LRRC74A: variants seen among roughly 807,000 people sequenced by gnomAD.
The protein encoded by LRRC74A is leucine rich repeat containing 74A.
LRRC74A carries 44 observed loss-of-function variants against 57.9 expected under a neutral mutation model. That is an observed-to-expected ratio of 0.76 (90% CI 0.60 to 0.98). The LOEUF (loss-of-function observed/expected upper bound fraction) is 0.98, where lower values mean the gene tolerates loss of function less well. LRRC74A is among the 50% of genes least tolerant of loss of function. The pLI, the probability that LRRC74A is intolerant of heterozygous loss-of-function variation, is 0.00. For missense variants in LRRC74A, 572 were observed against 574.0 expected, an observed-to-expected ratio of 1.00 and a Z score of 0.04; for synonymous variants, 211 against 219.4, an observed-to-expected ratio of 0.96 and a Z score of 0.34.
chr14:76,841,267 C>A (rs1896749112), intron 5 of LRRC74A, among the ~76,000 whole-genome samples: 1 of 152,190 alleles, frequency 6.6e-6, no homozygotes, highest in South Asian at 2.1e-4. Flanking sequence ...GTCTCGAACT[C>A]CTGACCTCAA....
chr14:76,857,641 A>T (rs1258530813), intron 10 of LRRC74A, among the ~76,000 whole-genome samples, 166 bp downstream of exon 10: 1 of 150,978 alleles, frequency 6.6e-6, no homozygotes, highest in East Asian at 2.0e-4. Context: ...CTCTCCAGGG[A>T]TCCTTTTAGG....
intron 6 of LRRC74A, 146 bp downstream of exon 6, chr14:76,844,618 A>G: frequency 1.2e-6 from 1 of 850,880 alleles, no homozygotes; most frequent in Non-Finnish European, 1.9e-6. Context: ...ACCCCAACAA[A>G]GGCACAGCAA....
At chr14:76,858,446 T>G (rs1333614772) in intron 10 of LRRC74A, among the ~76,000 whole-genome samples, 1 of 152,198 alleles carries the variant, frequency 6.6e-6, no homozygotes, top group Non-Finnish European at 1.5e-5. Flanking sequence ...GTACCCACCC[T>G]AAGTACCTCA....
At position 76,838,938 on chromosome 14, in the gene LRRC74A, T is replaced by G. The variant is rs192258510; in HGVS notation, c.544+967T>G. 2.6e-5 allele frequency among the ~76,000 whole-genome samples: 4 copies of G among 152,352 alleles called. No homozygotes were observed. In the East Asian group the frequency reaches 7.7e-4, roughly 29 times the overall value. On this transcript the variant is annotated intron_variant, in intron 5 of 13. Transcript: ENST00000689127. ...TTTTTAACATAAATGTTTTTACATG[T>G]CAGTTATTGTTCTCCAATTTTTCTT...
At position 76,853,436 on chromosome 14, in the gene LRRC74A, T is replaced by TGTGTGG; in HGVS notation, c.957+31_957+32insGGTGTG. 5.4e-6 allele frequency: 5 copies of TGTGTGG among 928,374 alleles called. No individual in the cohort carries two copies. The South Asian group carries it at 5.6e-5, about 10-fold the overall frequency. The allele number at this position is 928,374 out of a possible 1,614,324, so 57.5% of individuals were successfully genotyped here. On this transcript the variant is annotated intron_variant, in intron 9 of 13. Coordinates refer to ENST00000689127, the MANE Select transcript of LRRC74A (RefSeq NM_001385106.1). ...GTAGTCTTCAGCTGGAAAGGGTGTG[T>TGTGTGG]GTGTGTGTGTGTGTGTGTGTGTGTG...
intron 7 of LRRC74A, among the ~76,000 whole-genome samples, chr14:76,849,021 G>A (rs897345806): frequency 2.0e-5 from 3 of 152,214 alleles, no homozygotes; most frequent in African/African-American, 7.2e-5. Context: ...GTTGATGGGA[G>A]AGCAGAAGGT....
At chr14:76,845,301 G>C (rs1474131312) in intron 7 of LRRC74A, among the ~76,000 whole-genome samples, 1 of 150,940 alleles carries the variant, frequency 6.6e-6, no homozygotes, top group African/African-American at 2.4e-5. Flanking sequence ...TGCAGCCTGG[G>C]CAACAGAGAG....
rs1566713613 is a variant in LRRC74A at position 76,829,074 on chromosome 14, CCTCT to C, written c.166+661_166+664del. The C allele has an allele frequency of 2.3e-6, 3 of 1,289,346 alleles. No homozygotes were observed. In the South Asian group the frequency reaches 3.7e-5, roughly 16 times the overall value. 79.9% of individuals were successfully genotyped at this position (1,289,346 alleles called of 1,614,324 possible). A position where few individuals can be genotyped will look rare whatever the true frequency, so the allele number is the denominator to read the frequency against. ...CTGTTAATGCAAATAACACCTCCAC[CCTCT>C]CTCTCCTCCCAGTTTCCCCAAGAAG... On this transcript the variant is annotated intron_variant, in intron 2 of 13. Coordinates refer to ENST00000689127, the MANE Select transcript of LRRC74A (RefSeq NM_001385106.1).
intron 5 of LRRC74A, among the ~76,000 whole-genome samples, chr14:76,838,774 A>G (rs1442486523): frequency 6.6e-6 from 1 of 152,204 alleles, no homozygotes; most frequent in Non-Finnish European, 1.5e-5. Context: ...ATTTTTCTCT[A>G]TAAAGACGGG....
chr14:76,860,350 A>T (rs530812788), intron 10 of LRRC74A, among the ~76,000 whole-genome samples: 2 of 152,320 alleles, frequency 1.3e-5, no homozygotes, highest in South Asian at 4.1e-4. Flanking sequence ...TCACGCAGAC[A>T]TGGACATTTC....
Position 76,826,527 on chromosome 14 carries a change from TTCCCAGGGC to T in LRRC74A, c.-169_-161del, listed in dbSNP as rs1895583136. 1.2e-6 allele frequency: 2 copies of T among 1,607,936 alleles called. No individual in the cohort carries two copies. Among genetic ancestry groups the T allele is most frequent in the South Asian group, 2.2e-5 (2 of 89,402 alleles). On this transcript the variant is annotated 5_prime_UTR_variant, in exon 1 of 14. Transcript: ENST00000689127. The stretch of plus-strand genomic sequence containing the variant: ...ATCCAATTCCCATCAAAGCCTACTC[TTCCCAGGGC>T]TTGCTGGGAGGGAAGGATAACTGCA...
At position 76,837,894 on chromosome 14, in the gene LRRC74A, T is replaced by A. The variant is rs768466441; in HGVS notation, c.467T>A (p.Leu156His). ...TTTTAGAATATTTCCAACAATCACC[T>A]TGGTTTGGAGGGGGCCAGAATCATC... ...LQEMNISNNH[L>H]GLEGARIISD... The change falls in exon 5 of 14, where the codon CTT (leucine) becomes CAT (histidine). Residue 156 changes from leucine to histidine, a missense_variant. Transcript: ENST00000689127. The A allele has an allele frequency of 1.1e-5, 18 of 1,590,220 alleles. No individual in the cohort carries two copies. Among genetic ancestry groups the A allele is most frequent in the Middle Eastern group, 3.3e-4 (2 of 6,060 alleles).
chr14:76,847,150 C>A (rs912042339), intron 7 of LRRC74A, among the ~76,000 whole-genome samples: 14 of 152,070 alleles, frequency 9.2e-5, no homozygotes, highest in African/African-American at 3.4e-4. Flanking sequence ...GGAAGAAGAT[C>A]GACAGTTGCA....
At chr14:76,833,243 G>A (rs1896090234) in intron 3 of LRRC74A, among the ~76,000 whole-genome samples, 1 of 152,040 alleles carries the variant, frequency 6.6e-6, no homozygotes, top group East Asian at 1.9e-4. Context: ...AATTCTGTGC[G>A]TCCATGTCTA....
At position 76,867,469 on chromosome 14, in the gene LRRC74A, C is replaced by G. The variant is rs201691544; in HGVS notation, c.1391+31C>G. 2.2e-5 allele frequency: 27 copies of G among 1,214,266 alleles called. No homozygotes were observed. In the East Asian group the frequency reaches 6.3e-4, roughly 28 times the overall value. The allele number at this position is 1,214,266 out of a possible 1,614,324, so 75.2% of individuals were successfully genotyped here. On this transcript the variant is annotated intron_variant, in intron 13 of 13. Coordinates refer to ENST00000689127, the MANE Select transcript of LRRC74A (RefSeq NM_001385106.1). ...CCCAGGCCCCGCGACGATCCCCGTT[C>G]TCTGCAAGGGGCCCTGGCTGGGCTG...
In LRRC74A at chr14:76,870,164, T is replaced by C. The variant is rs545111539; in HGVS notation, c.*15T>C. On this transcript the variant is annotated 3_prime_UTR_variant, in exon 14 of 14. Transcript: ENST00000689127. ...TGAAGCCATAGCAACAAGTCTGGTCTAGAAAGAAGTCTCGGCGAGAGGAGT... is the reference window on the plus strand; with the variant it reads ...TGAAGCCATAGCAACAAGTCTGGTCCAGAAAGAAGTCTCGGCGAGAGGAGT... 57 of 1,609,794 alleles carry C rather than the reference T, an allele frequency of 3.5e-5. No individual in the cohort carries two copies. In the South Asian group the frequency reaches 6.0e-4, roughly 17 times the overall value.
At position 76,867,349 on chromosome 14, in the gene LRRC74A, T is replaced by A. The variant is rs1175908800; in HGVS notation, c.1309-7T>A. On this transcript the variant is annotated splice_polypyrimidine_tract_variant and splice_region_variant and intron_variant, in intron 12 of 13. Coordinates refer to ENST00000689127, the MANE Select transcript of LRRC74A (RefSeq NM_001385106.1). ...ATTAACTGCACATGTTCCATCCACC[T>A]CCTCAGCAAAACAAGGTCCCCCTGA... The A allele has an allele frequency of 4.0e-6, 6 of 1,492,516 alleles. No individual in the cohort carries two copies. Among genetic ancestry groups the A allele is most frequent in the Non-Finnish European group, 5.6e-6 (6 of 1,072,028 alleles). The allele number at this position is 1,492,516 out of a possible 1,614,324, so 92.5% of individuals were successfully genotyped here. A position where few individuals can be genotyped will look rare whatever the true frequency, so the allele number is the denominator to read the frequency against.
At chr14:76,862,245 A>G (rs983323391) in intron 11 of LRRC74A, among the ~76,000 whole-genome samples, 8 of 152,348 alleles carry the variant, frequency 5.3e-5, no homozygotes, top group Middle Eastern at 3.4e-3. Flanking sequence ...AGAAAGTTTC[A>G]TATGGCCAGG....
At chr14:76,840,035 T>C (rs150913913) in intron 5 of LRRC74A, among the ~76,000 whole-genome samples, 94 of 152,368 alleles carry the variant, frequency 6.2e-4, no homozygotes, top group Non-Finnish European at 9.3e-4. Context: ...AGCCTGTTTA[T>C]GGTACTTTCT....
Sources: allele counts gnomAD v4.1 joint callset (sites outside exome capture counted in the v4.1 genomes callset), GRCh38; gene constraint gnomAD v4.1.1; transcripts MANE v1.5; gene names NCBI Gene and HGNC (gene_info 2026-07-23, HGNC 2026-07-21).